The following STPG1 variants were observed in gnomAD, a reference collection of about 807,000 sequenced individuals.
STPG1 encodes the protein O(6)-methylguanine-induced apoptosis 2.
STPG1 carries 33 observed loss-of-function variants against 40.1 expected under a neutral mutation model. The ratio of observed to expected loss-of-function variants is 0.82; its 90% CI spans 0.62 to 1.10. STPG1 has a LOEUF of 1.10. Among genes scored for constraint, STPG1 ranks in the 50% least tolerant of loss-of-function variants. The pLI, the probability that STPG1 is intolerant of heterozygous loss-of-function variation, is 0.00. For synonymous variants in STPG1, 150 were observed against 155.0 expected, an observed-to-expected ratio of 0.97 and a Z score of 0.24; for missense variants, 396 against 415.1, an observed-to-expected ratio of 0.95 and a Z score of 0.40.
At chr1:24,364,536 G>A (rs1270869432) in intron 7 of STPG1, 1 of 1,232,238 alleles carries the variant, frequency 8.1e-7, no homozygotes, top group Non-Finnish European at 1.1e-6. Flanking sequence ...AAGGTATTGT[G>A]TCTTCCTCAG....
chr1:24,371,550 C>T (rs933147870), intron 6 of STPG1, among the ~76,000 whole-genome samples: 7 of 150,066 alleles, frequency 4.7e-5, no homozygotes, highest in African/African-American at 1.5e-4. Flanking sequence ...GAGATTGCAC[C>T]GTTGCTCTCC....
At chr1:24,363,534 A>C (rs1641258271) in intron 7 of STPG1, among the ~76,000 whole-genome samples, 1 of 152,236 alleles carries the variant, frequency 6.6e-6, no homozygotes. Flanking sequence ...ATGTGTTCTT[A>C]GAAAAGGCTC....
intron 7 of STPG1, among the ~76,000 whole-genome samples, chr1:24,364,908 A>G (rs1641356726): frequency 6.6e-6 from 1 of 152,232 alleles, no homozygotes; most frequent in Non-Finnish European, 1.5e-5. Flanking sequence ...TCACCTAAGA[A>G]TAATGAATGT....
chr1:24,406,268 A>T (rs1643412181), intron 1 of STPG1, among the ~76,000 whole-genome samples: 1 of 152,154 alleles, frequency 6.6e-6, no homozygotes, highest in Non-Finnish European at 1.5e-5. Context: ...ACAGTCAAAC[A>T]ATAGTATGTT....
At chr1:24,400,743 G>A (rs553226832) in intron 2 of STPG1, among the ~76,000 whole-genome samples, 2 of 152,270 alleles carry the variant, frequency 1.3e-5, no homozygotes, top group South Asian at 4.1e-4. Context: ...AACACTAGTT[G>A]GCGAACACTA....
intron 3 of STPG1, chr1:24,391,299 T>C (rs905544268): frequency 1.9e-5 from 5 of 268,342 alleles, no homozygotes; most frequent in Non-Finnish European, 3.4e-5. Context: ...TATATTGTTT[T>C]CTTAAAATAG....
intron 7 of STPG1, among the ~76,000 whole-genome samples, chr1:24,368,165 T>TGGA (rs1641563166): frequency 6.6e-6 from 1 of 152,182 alleles, no homozygotes; most frequent in Non-Finnish European, 1.5e-5. Flanking sequence ...GCCCTAGACC[T>TGGA]GGAGGGCAGA....
chr1:24,366,896 CA>C (rs1022099454), intron 7 of STPG1, among the ~76,000 whole-genome samples: 57 of 152,218 alleles, frequency 3.7e-4, no homozygotes, highest in African/African-American at 1.3e-3. Flanking sequence ...TCCTTTACTG[CA>C]GGCCTTCTCA....
chr1:24,390,778 G>A (rs981380115), intron 3 of STPG1, among the ~76,000 whole-genome samples: 9 of 151,552 alleles, frequency 5.9e-5, no homozygotes, highest in African/African-American at 1.9e-4. Context: ...TTAAAGTAGG[G>A]CAGGGCTCAT....
chr1:24,396,244 T>G (rs939561296), intron 2 of STPG1, among the ~76,000 whole-genome samples: 21 of 149,864 alleles, frequency 1.4e-4, no homozygotes, highest in African/African-American at 5.2e-4. Context: ...ATAGTACATA[T>G]CTGTCTATCT....
At chr1:24,402,133 C>T (rs1643250531) in intron 1 of STPG1, among the ~76,000 whole-genome samples, 1 of 152,212 alleles carries the variant, frequency 6.6e-6, no homozygotes. Flanking sequence ...ATCTATGATG[C>T]TGAGAAGCTC....
Position 24,403,285 on chromosome 1 carries a change from G to T in STPG1, c.-68-1829C>A, listed in dbSNP as rs529501369. Among the ~76,000 whole-genome samples, 104 of 152,196 alleles carry T rather than the reference G, an allele frequency of 6.8e-4. 2 individuals are homozygous for T. In the Middle Eastern group the frequency reaches 0.01, roughly 15 times the overall value. ...TCTACTGTGTGTATGTGTTTATTTA[G>T]ATATACATAGTGCTATTTCTAGATT... is the stretch of plus-strand genomic sequence containing the variant. On this transcript the variant is annotated intron_variant, in intron 1 of 8. Transcript: ENST00000337248.
chr1:24,374,781 C>T (rs1228357118), intron 5 of STPG1, among the ~76,000 whole-genome samples: 1 of 152,060 alleles, frequency 6.6e-6, no homozygotes, highest in Non-Finnish European at 1.5e-5. Flanking sequence ...CACGCCACCA[C>T]ACCTGGCTAA....
In STPG1 at chr1:24,401,283, TC is replaced by T. The variant is rs535789282; in HGVS notation, c.70+35del. On this transcript the variant is annotated intron_variant, in intron 2 of 8. Coordinates refer to ENST00000337248, the MANE Select transcript of STPG1 (RefSeq NM_001199013.2). Reference sequence around the variant, plus strand: ...TCTTATGTACTAAAATAAGCATATGTCAGGAGCTATCTCCTCCCTGCAAAGA... The same window carrying T: ...TCTTATGTACTAAAATAAGCATATGTAGGAGCTATCTCCTCCCTGCAAAGA... The T allele has an allele frequency of 2.4e-3, 3,909 of 1,601,064 alleles. 8 individuals carry two copies. Among genetic ancestry groups the T allele is most frequent in the Non-Finnish European group, 2.9e-3 (3,436 of 1,168,320 alleles).
chr1:24,403,821 CT>C (rs147907657), intron 1 of STPG1, among the ~76,000 whole-genome samples: 4,692 of 151,038 alleles, frequency 0.031, 111 homozygotes, highest in Middle Eastern at 0.048. Flanking sequence ...CTTTGCTAAA[CT>C]TTTTTTTTCA....
At chr1:24,390,748 T>TG (rs397757974) in intron 3 of STPG1, among the ~76,000 whole-genome samples, 1 of 151,502 alleles carries the variant, frequency 6.6e-6, no homozygotes, top group Non-Finnish European at 1.5e-5. Flanking sequence ...AAGTTTTTTT[T>TG]GTTTTTTGTT....
At chr1:24,389,139 AGGTTT>A (rs1642640240) in intron 3 of STPG1, among the ~76,000 whole-genome samples, 1 of 152,188 alleles carries the variant, frequency 6.6e-6, no homozygotes, top group East Asian at 1.9e-4. Context: ...TGCTGCCTGT[AGGTTT>A]GGCTACCTGC....
At chr1:24,390,799 AT>A (rs1403530927) in intron 3 of STPG1, among the ~76,000 whole-genome samples, 88 of 145,572 alleles carry the variant, frequency 6.0e-4, no homozygotes, top group African/African-American at 1.2e-3. Flanking sequence ...TACAAAGGTA[AT>A]TTTTTTTTTT....
Position 24,383,938 on chromosome 1 carries a change from T to G in STPG1, c.255A>C (p.Ser85=), listed in dbSNP as rs764038662. 18 of 1,613,914 alleles carry G rather than the reference T, an allele frequency of 1.1e-5. No individual in the cohort carries two copies. The highest frequency in any genetic ancestry group is 8.9e-5 in the East Asian group (4 of 44,884). The part of the protein sequence containing the change: ...IHQSPVSNSV[S]LSKKGTCMFP... ...ACATGCAAGTTCCTTTCTTGGACAA[T>G]GAGACACTGTTGGACACCGGTGACT... The change falls in exon 4 of 9, where the codon TCA becomes TCC. Residue 85 remains serine (S), a synonymous_variant. Coordinates refer to ENST00000337248, the MANE Select transcript of STPG1 (RefSeq NM_001199013.2).
Sources: allele counts gnomAD v4.1 joint callset (sites outside exome capture counted in the v4.1 genomes callset), GRCh38; gene constraint gnomAD v4.1.1; transcripts MANE v1.5; gene names NCBI Gene and HGNC (gene_info 2026-07-23, HGNC 2026-07-21).